The following IL6R variants were observed in gnomAD, a reference collection of about 807,000 sequenced individuals.
IL6R encodes interleukin-6 receptor subunit alpha.
In IL6R, 38 loss-of-function variants were observed where a neutral mutation model predicts 48.3. That is an observed-to-expected ratio of 0.79 (90% CI 0.61 to 1.03). IL6R has a LOEUF of 1.03. Ranked by LOEUF, IL6R falls within the 50% of genes least tolerant of loss-of-function variation. IL6R has a pLI of 0.00. For missense variants in IL6R, 534 were observed against 618.3 expected (o/e 0.86, Z 1.45); for synonymous variants, 264 against 256.2 (o/e 1.03, Z -0.29).
intron 1 of IL6R, among the ~76,000 whole-genome samples, chr1:154,408,215 G>T (rs562744077): frequency 6.6e-6 from 1 of 152,324 alleles, no homozygotes; most frequent in African/African-American, 2.4e-5. Flanking sequence ...CTTAGGCACT[G>T]TCAGGTTTGA....
chr1:154,422,878 G>A (rs911053057), intron 1 of IL6R, among the ~76,000 whole-genome samples: 6 of 152,172 alleles, frequency 3.9e-5, no homozygotes, highest in Non-Finnish European at 8.8e-5. Context: ...TCCTCATCGT[G>A]TCTCTTCCTT....
chr1:154,434,744 T>C, intron 4 of IL6R, 44 bp downstream of exon 4: 2 of 1,562,492 alleles, frequency 1.3e-6, no homozygotes, highest in African/African-American at 1.4e-5. Context: ...CCTTCTCTTT[T>C]GATTTAATAC....
rs200004280 is a variant in IL6R at position 154,429,410 on chromosome 1, C to T, written c.300C>T (p.Gly100=). The T allele has an allele frequency of 5.6e-5, 91 of 1,613,606 alleles. 1 individual carries two copies. The Middle Eastern group carries it at 8.2e-4, about 15-fold the overall frequency. Residue 100 remains glycine, a synonymous_variant, in exon 2 of 10, where the codon GGC becomes GGT. Transcript: ENST00000368485. Reference sequence around the variant, plus strand: ...GAAACTATTCATGCTACCGGGCCGGCCGCCCAGCTGGGACTGTGCACTTGC... The same window carrying T: ...GAAACTATTCATGCTACCGGGCCGGTCGCCCAGCTGGGACTGTGCACTTGC... The part of the protein sequence containing the change: ...DSGNYSCYRA[G]RPAGTVHLLV...
rs549924911 is a variant in IL6R, at chr1:154,443,937, C to T, written c.950-4188C>T. 1.4e-4 allele frequency among the ~76,000 whole-genome samples: 22 copies of T among 152,280 alleles called. No homozygotes were observed. The South Asian group carries it at 4.6e-3, about 32-fold the overall frequency. ...CTGCCCTGCTTGTCCAGGGGACACC[C>T]CACCCACCCAGCTACCCAGCCAGGA... On this transcript the variant is annotated intron_variant, in intron 6 of 9. Coordinates refer to ENST00000368485, the MANE Select transcript of IL6R (RefSeq NM_000565.4).
chr1:154,463,809 G>A (rs1013344880), intron 9 of IL6R, among the ~76,000 whole-genome samples: 1 of 152,230 alleles, frequency 6.6e-6, no homozygotes, highest in Non-Finnish European at 1.5e-5. Context: ...GCCCAGAGTG[G>A]AGCACTGTGA....
Position 154,468,426 on chromosome 1 carries a change from T to C in IL6R, c.*3046T>C, listed in dbSNP as rs1223715972. The C allele has an allele frequency of 1.3e-5, 2 of 152,242 alleles. No individual in the cohort carries two copies. Among genetic ancestry groups the C allele is most frequent in the Non-Finnish European group, 2.9e-5 (2 of 68,040 alleles). The allele number at this position is 152,242 out of a possible 1,614,324, so 9.4% of individuals were successfully genotyped here. ...TGGGTGGGGAAAGTAAAAAATATGC[T>C]GGTTCAAGGCCTAAAGTAAAATGAT... On this transcript the variant is annotated 3_prime_UTR_variant, in exon 10 of 10. Coordinates refer to ENST00000368485, the MANE Select transcript of IL6R (RefSeq NM_000565.4).
At chr1:154,444,591 T>A (rs1322816971) in intron 6 of IL6R, among the ~76,000 whole-genome samples, 1 of 152,196 alleles carries the variant, frequency 6.6e-6, no homozygotes, top group Non-Finnish European at 1.5e-5. Flanking sequence ...ACCATCACCA[T>A]AATTTCATAA....
At chr1:154,444,358 G>A (rs564928785) in intron 6 of IL6R, among the ~76,000 whole-genome samples, 9 of 152,164 alleles carry the variant, frequency 5.9e-5, no homozygotes, top group East Asian at 3.9e-4. Flanking sequence ...ACAGGCATGC[G>A]CCATCATGCC....
chr1:154,457,955 CT>C (rs774965247), intron 9 of IL6R, among the ~76,000 whole-genome samples: 46 of 89,476 alleles, frequency 5.1e-4, no homozygotes, highest in South Asian at 8.2e-4. Flanking sequence ...TTTTCTTTTT[CT>C]TTTTCTTTTT....
chr1:154,423,038 G>A (rs765990721), intron 1 of IL6R, among the ~76,000 whole-genome samples: 6 of 151,910 alleles, frequency 3.9e-5, no homozygotes, highest in Non-Finnish European at 7.4e-5. Flanking sequence ...GGAGGGCTGG[G>A]CTATGGGTGC....
chr1:154,435,867 C>A, intron 5 of IL6R, 102 bp from the exon 6 acceptor site: 1 of 1,073,928 alleles, frequency 9.3e-7, no homozygotes, highest in Non-Finnish European at 1.3e-6. Context: ...AGGCCTCTGC[C>A]AGCTGAAGCA....
chr1:154,436,449 G>T (rs1230701549), intron 6 of IL6R, among the ~76,000 whole-genome samples: 1 of 152,244 alleles, frequency 6.6e-6, no homozygotes, highest in Admixed American at 6.5e-5. Context: ...CTGCACTCCA[G>T]CCTGGGTGAT....
At chr1:154,458,663 G>A (rs927476995) in intron 9 of IL6R, among the ~76,000 whole-genome samples, 3 of 152,152 alleles carry the variant, frequency 2.0e-5, no homozygotes, top group African/African-American at 4.8e-5. Context: ...CACTTTGGGA[G>A]GCCAAGGCAA....
At chr1:154,423,605 C>A (rs1018341911) in intron 1 of IL6R, among the ~76,000 whole-genome samples, 67 of 152,124 alleles carry the variant, frequency 4.4e-4, no homozygotes, top group African/African-American at 1.6e-3. Context: ...TTTCTTTGAT[C>A]ATTCTGCATA....
intron 1 of IL6R, among the ~76,000 whole-genome samples, chr1:154,423,260 AAT>A (rs35079361): frequency 0.044 from 3,753 of 85,356 alleles, 267 homozygotes; most frequent in African/African-American, 0.055. Flanking sequence ...TGTTTAATTA[AAT>A]ATATATATAT....
At chr1:154,463,154 G>A (rs1691363152) in intron 9 of IL6R, among the ~76,000 whole-genome samples, 1 of 74,040 alleles carries the variant, frequency 1.4e-5, no homozygotes, top group Non-Finnish European at 3.3e-5. Flanking sequence ...GTGCATAAAG[G>A]GTTTTTTTTT....
intron 9 of IL6R, among the ~76,000 whole-genome samples, chr1:154,461,999 TG>T (rs1691290298): frequency 6.6e-6 from 1 of 152,224 alleles, no homozygotes; most frequent in Non-Finnish European, 1.5e-5. Context: ...AGGATCCTAA[TG>T]TCAGAAATCC....
In IL6R at chr1:154,434,497, G is replaced by A. The variant is rs1570961499; in HGVS notation, c.459-22G>A. ...TGTGCGAAACTGACAGGCAAGCCCT[G>A]CCCTTGTTTTGTGTCTAACAGTCAG... On this transcript the variant is annotated intron_variant, in intron 3 of 9. Transcript: ENST00000368485. 5.0e-6 allele frequency: 8 copies of A among 1,604,822 alleles called. No homozygotes were observed. In the East Asian group the frequency reaches 1.8e-4, roughly 36 times the overall value.
rs1486096650 is a variant in IL6R, at chr1:154,466,366, A to G, written c.*986A>G. ...GTAACTAGGGAAGATAATATTAAGG[A>G]AGACAATGTGAAAAGAAAAATGAGC... On this transcript the variant is annotated 3_prime_UTR_variant, in exon 10 of 10. Transcript: ENST00000368485. The G allele has an allele frequency of 2.0e-5, 3 of 152,364 alleles. No individual in the cohort carries two copies. Among genetic ancestry groups the G allele is most frequent in the Non-Finnish European group, 4.4e-5 (3 of 68,046 alleles). 9.4% of individuals were successfully genotyped at this position (152,364 alleles called of 1,614,324 possible).
Sources: allele counts gnomAD v4.1 joint callset (sites outside exome capture counted in the v4.1 genomes callset), GRCh38; gene constraint gnomAD v4.1.1; transcripts MANE v1.5; gene names NCBI Gene and HGNC (gene_info 2026-07-23, HGNC 2026-07-21).